CDH12: variants seen among roughly 807,000 people sequenced by gnomAD.
The protein encoded by CDH12 is cadherin-12.
CDH12 carries 41 observed loss-of-function variants against 74.1 expected under a neutral mutation model. The observed-to-expected ratio is 0.55, with a 90% CI of 0.43 to 0.72. CDH12 has a LOEUF of 0.72. Ranked by LOEUF, CDH12 falls within the 30% of genes least tolerant of loss-of-function variation. The pLI is 0.00. For synonymous variants in CDH12, 399 were observed against 355.0 expected, an observed-to-expected ratio of 1.12 and a Z score of -1.39; for missense variants, 945 against 977.2, an observed-to-expected ratio of 0.97 and a Z score of 0.44.
intron 6 of CDH12, among the ~76,000 whole-genome samples, chr5:21,964,411 T>G (rs918378766): frequency 2.0e-5 from 3 of 152,054 alleles, no homozygotes; most frequent in African/African-American, 7.2e-5. Context: ...CCAAATCTTT[T>G]GTACTCCAGG....
At position 22,311,977 on chromosome 5, in the gene CDH12, C is replaced by T. The variant is rs188218110; in HGVS notation, c.-333+93280G>A. Among the ~76,000 whole-genome samples, 13 of 152,064 alleles carry T rather than the reference C, an allele frequency of 8.5e-5. No homozygotes were observed. The East Asian group carries it at 2.3e-3, about 27-fold the overall frequency. ...ATCAAAATATGATGTGTCCCCAAAA[C>T]TATTATGATCATGCAGTGCCAGCTT... On this transcript the variant is annotated intron_variant, in intron 3 of 14. Transcript: ENST00000382254.
Position 22,737,808 on chromosome 5 carries a change from C to T in CDH12, c.-523+115250G>A, listed in dbSNP as rs573644323. ...GTATATTTTAATGAAAATTATTGAT[C>T]GAATAGTGCAGAATACATGGATTCA... On this transcript the variant is annotated intron_variant, in intron 1 of 14. Transcript: ENST00000382254. 5.3e-5 allele frequency among the ~76,000 whole-genome samples: 8 copies of T among 151,998 alleles called. No individual in the cohort carries two copies. In the South Asian group the frequency reaches 1.2e-3, roughly 24 times the overall value.
rs1285210884 is a variant in CDH12 at position 21,854,984 on chromosome 5, A to G, written c.527-194T>C. Among the ~76,000 whole-genome samples the G allele has an allele frequency of 3.3e-5, 5 of 151,906 alleles. No homozygotes were observed. The East Asian group carries it at 9.7e-4, about 30-fold the overall frequency. ...AATGATATAGTTAGTGCAAATCATAAGTTTAAATACGCATTTTAAAAGTTG... is the reference window on the plus strand; with the variant it reads ...AATGATATAGTTAGTGCAAATCATAGGTTTAAATACGCATTTTAAAAGTTG... On this transcript the variant is annotated intron_variant, in intron 6 of 14. Coordinates refer to ENST00000382254, the MANE Select transcript of CDH12 (RefSeq NM_004061.5).
intron 3 of CDH12, among the ~76,000 whole-genome samples, chr5:22,309,194 T>G (rs1257468993): frequency 6.6e-6 from 1 of 152,142 alleles, no homozygotes; most frequent in East Asian, 1.9e-4. Context: ...GTAACAAAAA[T>G]ATTCCAAAAA....
intron 6 of CDH12, among the ~76,000 whole-genome samples, chr5:21,915,445 T>C (rs1267849776): frequency 6.6e-6 from 1 of 152,074 alleles, no homozygotes; most frequent in Non-Finnish European, 1.5e-5. Flanking sequence ...ATGACCTAAC[T>C]ATGGGGCAAG....
At chr5:22,197,261 A>G (rs1750671380) in intron 4 of CDH12, among the ~76,000 whole-genome samples, 1 of 151,798 alleles carries the variant, frequency 6.6e-6, no homozygotes, top group African/African-American at 2.4e-5. Flanking sequence ...TGGCTAACAC[A>G]GTGAAACCCT....
intron 6 of CDH12, among the ~76,000 whole-genome samples, chr5:21,885,653 T>G (rs1752590917): frequency 6.6e-6 from 1 of 152,212 alleles, no homozygotes; most frequent in Non-Finnish European, 1.5e-5. Flanking sequence ...TTCATAGGAC[T>G]TTAAGCAGTC....
rs1754763548 is a variant in CDH12, at chr5:21,930,027, G to A, written c.526+45064C>T. Among the ~76,000 whole-genome samples, 3 of 152,154 alleles carry A rather than the reference G, an allele frequency of 2.0e-5. No homozygotes were observed. The South Asian group carries it at 6.2e-4, about 31-fold the overall frequency. ...CAACTCCATTTACTGTTATTTTGGT[G>A]TTAGTTACTATGTAATCAGAAATTT... On this transcript the variant is annotated intron_variant, in intron 6 of 14. Transcript: ENST00000382254.
intron 1 of CDH12, among the ~76,000 whole-genome samples, chr5:22,556,008 G>A (rs79204420): frequency 7.3e-4 from 111 of 151,724 alleles, no homozygotes; most frequent in East Asian, 6.4e-3. Flanking sequence ...GTATCAAACC[G>A]TAACAGAGAA....
intron 4 of CDH12, among the ~76,000 whole-genome samples, chr5:22,117,243 A>T (rs1745172186): frequency 6.7e-6 from 1 of 150,252 alleles, no homozygotes; most frequent in Non-Finnish European, 1.5e-5. Flanking sequence ...TATTTCTAGT[A>T]GCTTTAAAGA....
chr5:22,288,595 A>G (rs1223185580), intron 3 of CDH12, among the ~76,000 whole-genome samples: 4 of 152,192 alleles, frequency 2.6e-5, no homozygotes, highest in African/African-American at 4.8e-5. Flanking sequence ...TGACTAATCT[A>G]TGTGAGCTGC....
intron 6 of CDH12, among the ~76,000 whole-genome samples, chr5:21,927,619 T>G (rs189095545): frequency 2.8e-4 from 42 of 151,946 alleles, no homozygotes; most frequent in Middle Eastern, 3.4e-3. Flanking sequence ...AAAAGTATTA[T>G]AATAAATTCA....
At chr5:22,241,569 G>A (rs777113676) in intron 3 of CDH12, among the ~76,000 whole-genome samples, 12 of 151,798 alleles carry the variant, frequency 7.9e-5, no homozygotes, top group Admixed American at 2.0e-4. Flanking sequence ...TGTATTTTAC[G>A]TAATTCTTAT....
intron 6 of CDH12, among the ~76,000 whole-genome samples, chr5:21,895,999 G>A (rs1753107132): frequency 6.6e-6 from 1 of 152,142 alleles, no homozygotes; most frequent in African/African-American, 2.4e-5. Flanking sequence ...TCCCTTGGGA[G>A]CTAGCAGATG....
At chr5:22,552,928 T>A (rs947536557) in intron 1 of CDH12, among the ~76,000 whole-genome samples, 5 of 152,146 alleles carry the variant, frequency 3.3e-5, no homozygotes, top group African/African-American at 1.2e-4. Flanking sequence ...AAAATAAATT[T>A]AAAATCTACA....
chr5:22,431,865 TGAAA>T (rs1744186232), intron 2 of CDH12, among the ~76,000 whole-genome samples: 1 of 152,168 alleles, frequency 6.6e-6, no homozygotes, highest in African/African-American at 2.4e-5. Flanking sequence ...CTAAGTATTA[TGAAA>T]GAGAGTAGAA....
At chr5:22,191,045 T>C (rs1750243094) in intron 4 of CDH12, among the ~76,000 whole-genome samples, 1 of 152,198 alleles carries the variant, frequency 6.6e-6, no homozygotes, top group African/African-American at 2.4e-5. Flanking sequence ...CCTTCTAAAT[T>C]GGCACAGTCT....
intron 1 of CDH12, among the ~76,000 whole-genome samples, chr5:22,827,221 C>T (rs1008809916): frequency 2.0e-5 from 3 of 152,140 alleles, no homozygotes; most frequent in East Asian, 1.9e-4. Context: ...TAAGCCATGG[C>T]GTCTTCCATG....
chr5:22,382,819 C>A (rs534261655), intron 3 of CDH12, among the ~76,000 whole-genome samples: 114 of 150,684 alleles, frequency 7.6e-4, no homozygotes, highest in Middle Eastern at 3.5e-3. Context: ...TTCATGTTAT[C>A]ATTATTATTA....
Sources: allele counts gnomAD v4.1 joint callset (sites outside exome capture counted in the v4.1 genomes callset), GRCh38; gene constraint gnomAD v4.1.1; transcripts MANE v1.5; gene names NCBI Gene and HGNC (gene_info 2026-07-23, HGNC 2026-07-21).